CDH13: variants seen among roughly 807,000 people sequenced by gnomAD.
CDH13 encodes cadherin 13.
In CDH13, 24 loss-of-function variants were observed where a neutral mutation model predicts 63.8. That is an observed-to-expected ratio of 0.38 (90% CI 0.27 to 0.53). The LOEUF (loss-of-function observed/expected upper bound fraction) is 0.53, where lower values mean the gene tolerates loss of function less well. CDH13 is among the 20% of genes least tolerant of loss of function. CDH13 has a pLI of 0.85. For synonymous variants in CDH13, 503 were observed against 355.3 expected (o/e 1.42, Z -4.67); for missense variants, 1,049 against 903.1 (o/e 1.16, Z -2.07).
chr16:83,195,775 G>A (rs1006953851), intron 4 of CDH13, among the ~76,000 whole-genome samples: 30 of 152,262 alleles, frequency 2.0e-4, no homozygotes, highest in African/African-American at 5.8e-4. Context: ...GAGATACATG[G>A]ATCAGTGGAA....
At chr16:82,877,534 C>T (rs1480645510) in intron 2 of CDH13, among the ~76,000 whole-genome samples, 1 of 152,198 alleles carries the variant, frequency 6.6e-6, no homozygotes, top group Non-Finnish European at 1.5e-5. Flanking sequence ...TCCCAAACTT[C>T]TGTCTGTGGA....
rs558281717 is a variant in CDH13, at chr16:82,706,820, A to T, written c.45+79683A>T. ...CTCTGTCTCAAAAAAAAAATAAAAT[A>T]AAAAAGAAGTATAGAGGTCATTTTT... On this transcript the variant is annotated intron_variant, in intron 1 of 13. Transcript: ENST00000567109. Among the ~76,000 whole-genome samples the T allele has an allele frequency of 2.4e-4, 36 of 152,214 alleles. 3 individuals are homozygous for T. In the South Asian group the frequency reaches 7.1e-3, roughly 30 times the overall value.
intron 2 of CDH13, among the ~76,000 whole-genome samples, chr16:82,908,929 T>A (rs2041735309): frequency 6.6e-6 from 1 of 152,110 alleles, no homozygotes; most frequent in South Asian, 2.1e-4. Context: ...AACCTGCATA[T>A]AAGGAGGGTC....
At chr16:82,898,425 G>A (rs2041342064) in intron 2 of CDH13, among the ~76,000 whole-genome samples, 2 of 152,146 alleles carry the variant, frequency 1.3e-5, no homozygotes, top group Non-Finnish European at 2.9e-5. Flanking sequence ...CTCAGGAGGT[G>A]GAGACAGGAG....
intron 5 of CDH13, among the ~76,000 whole-genome samples, chr16:83,259,657 T>C (rs1015745072): frequency 1.3e-5 from 2 of 152,182 alleles, no homozygotes; most frequent in Admixed American, 6.5e-5. Context: ...TTTTATTTTA[T>C]TATTATACAG....
intron 8 of CDH13, among the ~76,000 whole-genome samples, chr16:83,629,022 A>G (rs145307297): frequency 5.1e-4 from 77 of 152,310 alleles, no homozygotes; most frequent in Non-Finnish European, 8.4e-4. Flanking sequence ...TTTCATGGTA[A>G]CTGGTAATTG....
chr16:83,409,320 G>A (rs926006651), intron 6 of CDH13, among the ~76,000 whole-genome samples: 6 of 152,218 alleles, frequency 3.9e-5, no homozygotes, highest in African/African-American at 1.4e-4. Context: ...TAATCCCCCA[G>A]CACTCCTGGG....
intron 7 of CDH13, among the ~76,000 whole-genome samples, chr16:83,580,331 C>A (rs899820347): frequency 2.6e-5 from 4 of 151,934 alleles, no homozygotes; most frequent in Non-Finnish European, 4.4e-5. Flanking sequence ...CAGGTGTGAG[C>A]AAATTAAGGA....
intron 5 of CDH13, among the ~76,000 whole-genome samples, chr16:83,312,869 C>G (rs1297857530): frequency 6.6e-6 from 1 of 152,000 alleles, no homozygotes; most frequent in Non-Finnish European, 1.5e-5. Context: ...AATTTGACCT[C>G]AGAAAATCTG....
intron 7 of CDH13, among the ~76,000 whole-genome samples, chr16:83,508,054 A>AGG (rs2074445319): frequency 1.1e-5 from 1 of 91,254 alleles, no homozygotes; most frequent in Non-Finnish European, 2.2e-5. Context: ...AGAGAAAGAG[A>AGG]AGAAGGAAGG....
intron 4 of CDH13, 35 bp from the exon 5 acceptor site, chr16:83,217,310 G>C (rs763001313): frequency 1.2e-6 from 2 of 1,611,572 alleles, no homozygotes; most frequent in South Asian, 2.2e-5. Context: ...GTGTTTTCCA[G>C]GCAGTTTTAA....
chr16:82,634,351 C>A (rs560846104), intron 1 of CDH13, among the ~76,000 whole-genome samples: 2 of 152,362 alleles, frequency 1.3e-5, no homozygotes, highest in Admixed American at 1.3e-4. Context: ...CTGCAGACAC[C>A]TGAAGCTTGA....
rs2150895196 is a variant in CDH13 at position 82,644,717 on chromosome 16, C to G, written c.45+17580C>G. 6.6e-6 allele frequency among the ~76,000 whole-genome samples: 1 copy of G among 152,246 alleles called. No individual in the cohort carries two copies. The highest frequency in any genetic ancestry group is 2.1e-4 in the South Asian group (1 of 4,820). ...GACCCAGGCTCCCAGGTAGCCAGCTCCCAGGTGACAGGAGTCCGCTGGGCT... is the reference window on the plus strand; with the variant it reads ...GACCCAGGCTCCCAGGTAGCCAGCTGCCAGGTGACAGGAGTCCGCTGGGCT... On this transcript the variant is annotated intron_variant, in intron 1 of 13. Coordinates refer to ENST00000567109, the MANE Select transcript of CDH13 (RefSeq NM_001257.5). This position sits in a 1 kb window ranked among gnomAD's most constrained non-coding sequence, Gnocchi z 5.7.
chr16:83,243,897 A>G (rs1355467285), intron 5 of CDH13, among the ~76,000 whole-genome samples: 1 of 152,202 alleles, frequency 6.6e-6, no homozygotes, highest in Admixed American at 6.5e-5. Context: ...ATCTTTTAAA[A>G]GAGTAACATC....
At chr16:82,830,468 C>G (rs1461219153) in intron 1 of CDH13, among the ~76,000 whole-genome samples, 2 of 152,102 alleles carry the variant, frequency 1.3e-5, no homozygotes, top group East Asian at 1.9e-4. Context: ...GGCACAATGA[C>G]CATTTCTTGA....
At chr16:82,892,618 G>T (rs2041117853) in intron 2 of CDH13, among the ~76,000 whole-genome samples, 1 of 152,206 alleles carries the variant, frequency 6.6e-6, no homozygotes, top group African/African-American at 2.4e-5. Flanking sequence ...CATACCAGAA[G>T]AGAGTTTGGG....
intron 1 of CDH13, among the ~76,000 whole-genome samples, chr16:82,755,078 A>G (rs1193495632): frequency 1.3e-5 from 2 of 152,230 alleles, no homozygotes; most frequent in African/African-American, 2.4e-5. Flanking sequence ...CTATGCATAC[A>G]CAAGCATGTA....
intron 13 of CDH13, among the ~76,000 whole-genome samples, chr16:83,783,759 A>T (rs1915692087): frequency 6.6e-6 from 1 of 152,212 alleles, no homozygotes; most frequent in African/African-American, 2.4e-5. Flanking sequence ...GCTGCCACTC[A>T]ACTTGAGCTA....
At chr16:83,691,842 C>T (rs953794461) in intron 10 of CDH13, among the ~76,000 whole-genome samples, 1 of 152,128 alleles carries the variant, frequency 6.6e-6, no homozygotes, top group African/African-American at 2.4e-5. Context: ...ATAGCTACAC[C>T]AAATTGCTCA....
Sources: gnomAD v4.1 joint callset for allele counts (sites outside exome capture counted in the v4.1 genomes callset) on GRCh38, gnomAD v4.1.1 for gene constraint, Gnocchi (gnomAD v3.1) non-coding constraint, MANE v1.5 for transcripts, NCBI Gene and HGNC (gene_info 2026-07-23, HGNC 2026-07-21) for gene names.